The following ZSWIM9 variants were observed in gnomAD, a reference collection of about 807,000 sequenced individuals.
ZSWIM9 encodes the protein zinc finger SWIM-type containing 9, also known as uncharacterized protein ZSWIM9.
ZSWIM9 carries 11 observed loss-of-function variants against 25.0 expected under a neutral mutation model. That is an observed-to-expected ratio of 0.44 (90% CI 0.28 to 0.73). The LOEUF (loss-of-function observed/expected upper bound fraction) is 0.73. ZSWIM9 is among the 30% of genes least tolerant of loss of function. The probability of loss-of-function intolerance (pLI) is 0.16; values close to 1 mark genes in which losing one functional copy is unlikely to be tolerated. For synonymous variants in ZSWIM9, 562 were observed against 582.1 expected (o/e 0.97, Z 0.50); for missense variants, 1,070 against 1,296.5 (o/e 0.83, Z 2.68).
At chr19:48,187,574 TATATTATATATTATATA>T (rs1194537778) in intron 3 of ZSWIM9, 18 of 59,948 alleles carry the variant, frequency 3.0e-4, no homozygotes, top group South Asian at 9.0e-4. Context: ...TAATATTATA[TATATTATATATTATATA>T]ATATAATATT....
intron 2 of ZSWIM9, among the ~76,000 whole-genome samples, chr19:48,178,721 G>A (rs529975198): frequency 6.6e-5 from 10 of 152,090 alleles, no homozygotes; most frequent in Admixed American, 3.3e-4. Context: ...GACTATGGGC[G>A]TGTGCCACCG....
intron 3 of ZSWIM9, chr19:48,186,475 A>C (rs1767582627): frequency 6.6e-6 from 1 of 152,602 alleles, no homozygotes; most frequent in African/African-American, 2.4e-5. Flanking sequence ...TAATTTTTGT[A>C]TTTTTAGTAG....
chr19:48,196,987 C>A lies in ZSWIM9; in HGVS notation c.*160C>A. ...TCATGGCAGTTTGCCTCTCTGGGTCCAAGGGCAAGCTGTAAGTGGTCTCTG... is the reference window on the plus strand; with the variant it reads ...TCATGGCAGTTTGCCTCTCTGGGTCAAAGGGCAAGCTGTAAGTGGTCTCTG... On this transcript the variant is annotated 3_prime_UTR_variant, in exon 4 of 4. Coordinates refer to ENST00000614654, the MANE Select transcript of ZSWIM9 (RefSeq NM_199341.4). The A allele has an allele frequency of 1.5e-6, 1 of 673,130 alleles. No homozygotes were observed. Among genetic ancestry groups the A allele is most frequent in the Non-Finnish European group, 2.2e-6 (1 of 446,324 alleles). The allele number at this position is 673,130 out of a possible 1,614,324, so 41.7% of individuals were successfully genotyped here.
chr19:48,171,396 G>T (rs561694124), intron 1 of ZSWIM9: 1 of 985,234 alleles, frequency 1.0e-6, no homozygotes, highest in African/African-American at 1.7e-5. Flanking sequence ...TTACTCTTGG[G>T]TGAGAGACAC....
rs554441373 is a variant in ZSWIM9, at chr19:48,194,708, C to T, written c.644C>T (p.Thr215Met). The change falls in exon 4 of 4, where the codon ACG becomes ATG. Residue 215 changes from threonine to methionine, a missense_variant. Thr to Met is a moderately conservative substitution (Grantham distance 81). Transcript: ENST00000614654. The surrounding 1 kb of genome is among the most constrained non-coding windows in gnomAD (Gnocchi z 6.0). ...QAVVETVFFL[T>M]SRTRALLRRF... is the part of the protein sequence containing the mutation. Reference sequence around the variant, plus strand: ...GTGGTGGAGACGGTGTTCTTCCTGACGTCGCGCACCAGGGCGCTGCTGCGG... The same window carrying T: ...GTGGTGGAGACGGTGTTCTTCCTGATGTCGCGCACCAGGGCGCTGCTGCGG... 13 of 1,528,318 alleles carry T rather than the reference C, an allele frequency of 8.5e-6. No individual in the cohort carries two copies. In the African/African-American group the frequency reaches 1.1e-4, roughly 13 times the overall value. The allele number at this position is 1,528,318 out of a possible 1,614,324, so 94.7% of individuals were successfully genotyped here. A position where few individuals can be genotyped will look rare whatever the true frequency, so the allele number is the denominator to read the frequency against.
At chr19:48,174,422 T>C (rs1444291067) in intron 2 of ZSWIM9, among the ~76,000 whole-genome samples, 1 of 152,128 alleles carries the variant, frequency 6.6e-6, no homozygotes, top group African/African-American at 2.4e-5. Flanking sequence ...GGTTAAGTGA[T>C]AGCTGTTACA....
At chr19:48,188,580 G>A (rs1236089295) in intron 3 of ZSWIM9, among the ~76,000 whole-genome samples, 1 of 152,136 alleles carries the variant, frequency 6.6e-6, no homozygotes, top group Admixed American at 6.5e-5. Context: ...TTGGGGTCCA[G>A]TCACATCTCC....
chr19:48,187,543 T>TATATTA (rs2037039037), intron 3 of ZSWIM9: 1 of 50,498 alleles, frequency 2.0e-5, no homozygotes, highest in African/African-American at 7.2e-5. Context: ...TATTATTATA[T>TATATTA]TATATTATAT....
chr19:48,196,105 C>G lies in ZSWIM9; in HGVS notation c.2041C>G (p.Gln681Glu), dbSNP rs1270756800. The G allele has an allele frequency of 1.6e-6, 2 of 1,240,074 alleles. No individual in the cohort carries two copies. Among genetic ancestry groups the G allele is most frequent in the African/African-American group, 3.1e-5 (2 of 63,990 alleles). 76.8% of individuals were successfully genotyped at this position (1,240,074 alleles called of 1,614,324 possible). Residue 681 changes from glutamine to glutamate, a missense_variant, in exon 4 of 4, where the codon CAA becomes GAA. Physicochemically the swap from Gln to Glu is conservative, Grantham distance 29 (BLOSUM62 2). Coordinates refer to ENST00000614654, the MANE Select transcript of ZSWIM9 (RefSeq NM_199341.4). ...GGAGTTGGCCCCTGAGAACGGAGAC[C>G]AAAGGGGACCCCAGTGGGAAGATGA... ...SLELAPENGD[Q>E]RGPQWEDERR...
At position 48,194,925 on chromosome 19, in the gene ZSWIM9, C is replaced by T; in HGVS notation, c.861C>T (p.Gly287=). Residue 287 remains glycine, a synonymous_variant, in exon 4 of 4, where the codon GGC becomes GGT. Coordinates refer to ENST00000614654, the MANE Select transcript of ZSWIM9 (RefSeq NM_199341.4). This position sits in a 1 kb window ranked among gnomAD's most constrained non-coding sequence, Gnocchi z 6.0. ...TGCAGAGCGCGCCAGACGTCAAGGG[C>T]CGCGTGCGCTGCCTCACCGCCGGGC... ...SLLQSAPDVK[G]RVRCLTAGPE... is the part of the protein sequence containing the mutation. The T allele has an allele frequency of 7.6e-7, 1 of 1,318,732 alleles. No individual in the cohort carries two copies. The highest frequency in any genetic ancestry group is 9.7e-7 in the Non-Finnish European group (1 of 1,035,782). 81.7% of individuals were successfully genotyped at this position (1,318,732 alleles called of 1,614,324 possible).
At chr19:48,187,481 A>ATATAT (rs1314449988) in intron 3 of ZSWIM9, among the ~76,000 whole-genome samples, 59 of 63,348 alleles carry the variant, frequency 9.3e-4, no homozygotes, top group Admixed American at 6.8e-3. Context: ...TATATATATT[A>ATATAT]TATATTATAT....
intron 2 of ZSWIM9, among the ~76,000 whole-genome samples, chr19:48,172,827 T>C (rs911945144): frequency 6.6e-6 from 1 of 152,018 alleles, no homozygotes; most frequent in Non-Finnish European, 1.5e-5. Context: ...ACTTACAGAA[T>C]GTAATAGAGA....
At position 48,195,112 on chromosome 19, in the gene ZSWIM9, G is replaced by A. The variant is rs1306216136; in HGVS notation, c.1048G>A (p.Ala350Thr). The A allele has an allele frequency of 1.4e-6, 2 of 1,467,982 alleles. No homozygotes were observed. The highest frequency in any genetic ancestry group is 4.6e-5 in the Admixed American group (2 of 43,234). 90.9% of individuals were successfully genotyped at this position (1,467,982 alleles called of 1,614,324 possible). A position where few individuals can be genotyped will look rare whatever the true frequency, so the allele number is the denominator to read the frequency against. The change falls in exon 4 of 4, where the codon GCT (alanine) becomes ACT (threonine). Residue 350 changes from alanine to threonine, a missense_variant. Around this residue, in one of 4 missense-constraint regions of ZSWIM9, gnomAD observed 184 missense variants for 243.1 expected, o/e 0.76. Transcript: ENST00000614654. This position sits in a 1 kb window ranked among gnomAD's most constrained non-coding sequence, Gnocchi z 5.8. ...PGLWSRLCRL[A>T]GASSPAAYDE... ...CCTGTGGTCGCGCCTGTGCCGCCTG[G>A]CTGGCGCGTCGTCGCCCGCAGCCTA...
rs1210967877 is a variant in ZSWIM9 at position 48,196,089 on chromosome 19, C to G, written c.2025C>G (p.Ala675=). 11 of 1,242,322 alleles carry G rather than the reference C, an allele frequency of 8.9e-6. No individual in the cohort carries two copies. The highest frequency in any genetic ancestry group is 1.1e-5 in the Non-Finnish European group (11 of 994,796). The allele number at this position is 1,242,322 out of a possible 1,614,324, so 77.0% of individuals were successfully genotyped here. A position where few individuals can be genotyped will look rare whatever the true frequency, so the allele number is the denominator to read the frequency against. Reference sequence around the variant, plus strand: ...CCTTGGAGAAGTCCCTGGAGTTGGCCCCTGAGAACGGAGACCAAAGGGGAC... The same window carrying G: ...CCTTGGAGAAGTCCCTGGAGTTGGCGCCTGAGAACGGAGACCAAAGGGGAC... The part of the protein sequence containing the change: ...GIPLEKSLEL[A]PENGDQRGPQ... The change falls in exon 4 of 4, where the codon GCC becomes GCG. Residue 675 remains alanine (A), a synonymous_variant. Coordinates refer to ENST00000614654, the MANE Select transcript of ZSWIM9 (RefSeq NM_199341.4).
In ZSWIM9 at chr19:48,182,295, G is replaced by A; in HGVS notation, c.276-160G>A. On this transcript the variant is annotated intron_variant, in intron 2 of 3. Coordinates refer to ENST00000614654, the MANE Select transcript of ZSWIM9 (RefSeq NM_199341.4). The surrounding 1 kb of genome is among the most constrained non-coding windows in gnomAD (Gnocchi z 4.6). ...GGAAACTGAGGCATAGAGACTTGAA[G>A]TGACTTGCCCCAGGTCACACAGCTG... 3 of 637,376 alleles carry A rather than the reference G, an allele frequency of 4.7e-6. No homozygotes were observed. The highest frequency in any genetic ancestry group is 8.0e-6 in the Non-Finnish European group (3 of 373,118). The allele number at this position is 637,376 out of a possible 1,614,324, so 39.5% of individuals were successfully genotyped here.
intron 2 of ZSWIM9, among the ~76,000 whole-genome samples, chr19:48,179,665 C>T (rs2036927958): frequency 6.6e-6 from 1 of 152,168 alleles, no homozygotes; most frequent in South Asian, 2.1e-4. Flanking sequence ...ACTGGAAACA[C>T]CATCATAGAT....
At chr19:48,187,511 TTATA>T (rs1170673030) in intron 3 of ZSWIM9, among the ~76,000 whole-genome samples, 1 of 82,540 alleles carries the variant, frequency 1.2e-5, no homozygotes, top group Non-Finnish European at 2.2e-5. Flanking sequence ...TTATATTATA[TTATA>T]TATATTATAT....
intron 2 of ZSWIM9, 65 bp downstream of exon 2, chr19:48,172,142 G>GGGGGGGGGGGGGGGGGC: frequency 1.8e-6 from 1 of 546,422 alleles, no homozygotes; most frequent in Non-Finnish European, 3.2e-6. Flanking sequence ...GTGTGGGTGG[G>GGGGGGGGGGGGGGGGGC]AGACGGGCAG....
At position 48,195,388 on chromosome 19, in the gene ZSWIM9, G is replaced by A; in HGVS notation, c.1324G>A (p.Ala442Thr). ...AMQWADAAGE[A>T]VPEGPDGGGP... is the part of the protein sequence containing the mutation. Reference sequence around the variant, plus strand: ...GCAGTGGGCCGACGCGGCCGGGGAGGCGGTGCCCGAGGGGCCCGATGGCGG... The same window carrying A: ...GCAGTGGGCCGACGCGGCCGGGGAGACGGTGCCCGAGGGGCCCGATGGCGG... Residue 442 changes from alanine to threonine, a missense_variant, in exon 4 of 4, where the codon GCG becomes ACG. Coordinates refer to ENST00000614654, the MANE Select transcript of ZSWIM9 (RefSeq NM_199341.4). The surrounding 1 kb of genome is among the most constrained non-coding windows in gnomAD (Gnocchi z 5.8). 1 of 1,489,762 alleles carries A rather than the reference G, an allele frequency of 6.7e-7. No homozygotes were observed. The highest frequency in any genetic ancestry group is 8.9e-7 in the Non-Finnish European group (1 of 1,129,208). 92.3% of individuals were successfully genotyped at this position (1,489,762 alleles called of 1,614,324 possible).
Sources: gnomAD v4.1 joint callset for allele counts (sites outside exome capture counted in the v4.1 genomes callset) on GRCh38, gnomAD v4.1.1 for gene constraint, gnomAD v4.1.1 regional missense constraint, Gnocchi (gnomAD v3.1) non-coding constraint, MANE v1.5 for transcripts, NCBI Gene and HGNC (gene_info 2026-07-23, HGNC 2026-07-21) for gene names.